IL1R1: variants seen among roughly 807,000 people sequenced by gnomAD.
IL1R1 encodes interleukin 1 receptor type 1.
Under a neutral mutation model 50.2 loss-of-function variants are expected in IL1R1, and 22 were observed. The observed-to-expected ratio is 0.44, with a 90% CI of 0.31 to 0.63. The LOEUF is 0.63. Among genes scored for constraint, IL1R1 ranks in the 20% least tolerant of loss-of-function variants. The probability of loss-of-function intolerance (pLI) is 0.07; values close to 1 mark genes in which losing one functional copy is unlikely to be tolerated. For missense variants in IL1R1, 509 were observed against 676.2 expected, an observed-to-expected ratio of 0.75 and a Z score of 2.74; for synonymous variants, 251 against 236.7, an observed-to-expected ratio of 1.06 and a Z score of -0.55.
At chr2:102,097,717 TATA>T (rs980996149) in intron 1 of IL1R1, among the ~76,000 whole-genome samples, 26 of 152,028 alleles carry the variant, frequency 1.7e-4, no homozygotes, top group African/African-American at 5.3e-4. Context: ...AATAGTCTCA[TATA>T]ATATTAAATA....
At chr2:102,080,681 G>A (rs759935342) in intron 1 of IL1R1, among the ~76,000 whole-genome samples, 1 of 152,198 alleles carries the variant, frequency 6.6e-6, no homozygotes, top group African/African-American at 2.4e-5. Context: ...TCAACATAGA[G>A]TTGCCATATG....
At chr2:102,110,156 A>C (rs1680667463) in intron 1 of IL1R1, among the ~76,000 whole-genome samples, 1 of 152,002 alleles carries the variant, frequency 6.6e-6, no homozygotes, top group Non-Finnish European at 1.5e-5. Flanking sequence ...AATAGTTTCT[A>C]GTTTTTTCTT....
At chr2:102,123,010 G>A (rs900084460) in intron 1 of IL1R1, among the ~76,000 whole-genome samples, 1 of 152,108 alleles carries the variant, frequency 6.6e-6, no homozygotes, top group Non-Finnish European at 1.5e-5. Flanking sequence ...CAGGGATCAG[G>A]GAAATTGGTT....
chr2:102,089,366 C>A (rs1679561366), intron 1 of IL1R1, among the ~76,000 whole-genome samples: 1 of 152,164 alleles, frequency 6.6e-6, no homozygotes, highest in Admixed American at 6.5e-5. Flanking sequence ...AGTCAGAACA[C>A]ATTTATTAAC....
intron 1 of IL1R1, among the ~76,000 whole-genome samples, chr2:102,116,085 A>C (rs1441608153): frequency 6.6e-6 from 1 of 152,234 alleles, no homozygotes; most frequent in African/African-American, 2.4e-5. Context: ...TGTAGGTTGC[A>C]TAGTTGCAGT....
chr2:102,147,065 G>T (rs1002339228), intron 1 of IL1R1, among the ~76,000 whole-genome samples: 3 of 152,206 alleles, frequency 2.0e-5, no homozygotes, highest in Admixed American at 6.5e-5. Flanking sequence ...GTTGCTTGCT[G>T]TAGGATGGTA....
upstream of IL1R1, chr2:102,142,577 G>A (rs1465802462): frequency 6.6e-6 from 1 of 151,920 alleles, no homozygotes; most frequent in Non-Finnish European, 1.5e-5. Flanking sequence ...CGGGCTACCC[G>A]GGGCAGGGCG....
chr2:102,078,910 C>T (rs888223452), intron 1 of IL1R1, among the ~76,000 whole-genome samples: 16 of 152,072 alleles, frequency 1.1e-4, no homozygotes, highest in African/African-American at 3.4e-4. Flanking sequence ...TGGGATTTAT[C>T]CTAAGAATGC....
chr2:102,136,875 T>A (rs1022904724), intron 1 of IL1R1, among the ~76,000 whole-genome samples: 3 of 152,228 alleles, frequency 2.0e-5, no homozygotes, highest in Admixed American at 6.5e-5. Context: ...TGCTCTTCAC[T>A]CTTCCAAGTA....
At chr2:102,112,283 T>C (rs1029488597) in intron 1 of IL1R1, among the ~76,000 whole-genome samples, 6 of 151,456 alleles carry the variant, frequency 4.0e-5, no homozygotes, top group African/African-American at 1.2e-4. Flanking sequence ...TAAGTGGTCA[T>C]TTATGGCCAG....
intron 11 of IL1R1, chr2:102,176,128 A>G: frequency 5.9e-6 from 3 of 504,232 alleles, no homozygotes; most frequent in Middle Eastern, 5.4e-4. Context: ...TTGAGGCTGC[A>G]GTGATCCAAG....
At chr2:102,123,871 A>G (rs1021467897) in intron 1 of IL1R1, among the ~76,000 whole-genome samples, 6 of 152,152 alleles carry the variant, frequency 3.9e-5, no homozygotes, top group Non-Finnish European at 8.8e-5. Context: ...AGTGCCTCAT[A>G]TGGGTCTTTC....
chr2:102,084,041 T>A (rs902098880), intron 1 of IL1R1, among the ~76,000 whole-genome samples: 1 of 152,248 alleles, frequency 6.6e-6, no homozygotes, highest in Non-Finnish European at 1.5e-5. Flanking sequence ...CAAGGCCTCA[T>A]AGCGACTCTG....
intron 5 of IL1R1, 124 bp from the exon 6 acceptor site, chr2:102,165,989 C>T (rs1161497758): frequency 2.6e-6 from 2 of 767,934 alleles, no homozygotes; most frequent in Admixed American, 5.8e-5. Flanking sequence ...ATGTAAGGAA[C>T]TTTTCCAGTC....
intron 1 of IL1R1, among the ~76,000 whole-genome samples, chr2:102,121,726 A>G (rs989622173): frequency 6.6e-6 from 1 of 152,162 alleles, no homozygotes; most frequent in Non-Finnish European, 1.5e-5. Context: ...ATTTTTTAAA[A>G]CCACATTTTA....
At chr2:102,163,677 G>T (rs1485533309) in intron 3 of IL1R1, among the ~76,000 whole-genome samples, 1 of 152,088 alleles carries the variant, frequency 6.6e-6, no homozygotes, top group East Asian at 1.9e-4. Flanking sequence ...CCTATTGTCT[G>T]TGTCATTTCT....
At chr2:102,155,191 G>A (rs115424479) in intron 2 of IL1R1, among the ~76,000 whole-genome samples, 6 of 152,346 alleles carry the variant, frequency 3.9e-5, no homozygotes, top group African/African-American at 7.2e-5. Context: ...AGCATGGGCC[G>A]GTTTCCAACA....
At chr2:102,119,197 T>G (rs1577889540) in intron 1 of IL1R1, among the ~76,000 whole-genome samples, 1 of 152,196 alleles carries the variant, frequency 6.6e-6, no homozygotes, top group Non-Finnish European at 1.5e-5. Flanking sequence ...CGTTAGGTGG[T>G]AACTTCTCTT....
At chr2:102,092,855 A>G (rs898542099) in intron 1 of IL1R1, among the ~76,000 whole-genome samples, 1 of 152,022 alleles carries the variant, frequency 6.6e-6, no homozygotes, top group Non-Finnish European at 1.5e-5. Flanking sequence ...TTTTTCAGCC[A>G]GAGTAAGTGC....
Sources: allele counts gnomAD v4.1 joint callset (sites outside exome capture counted in the v4.1 genomes callset), GRCh38; gene constraint gnomAD v4.1.1; transcripts MANE v1.5; gene names NCBI Gene and HGNC (gene_info 2026-07-23, HGNC 2026-07-21).